The following OTOF variants were observed in gnomAD, a reference collection of about 807,000 sequenced individuals.
The protein encoded by OTOF is fer-1-like family member 2.
In OTOF, 218 loss-of-function variants were observed where a neutral mutation model predicts 236.8. The ratio of observed to expected loss-of-function variants is 0.92; its 90% confidence interval spans 0.82 to 1.03. The LOEUF (loss-of-function observed/expected upper bound fraction) is 1.03, where lower values mean the gene tolerates loss of function less well. OTOF is among the 50% of genes least tolerant of loss of function. OTOF has a pLI of 0.00. For synonymous variants in OTOF, 1,041 were observed against 1,072.5 expected, an observed-to-expected ratio of 0.97 and a Z score of 0.57; for missense variants, 2,590 against 2,694.4, an observed-to-expected ratio of 0.96 and a Z score of 0.86.
intron 46 of OTOF, 101 bp downstream of exon 46, chr2:26,459,907 T>G: frequency 1.3e-5 from 14 of 1,098,594 alleles, no homozygotes; most frequent in Non-Finnish European, 1.6e-5. Context: ...TGTGTGCACA[T>G]GTATGCATAT....
At chr2:26,520,067 A>C (rs796325218) in intron 3 of OTOF, among the ~76,000 whole-genome samples, 3 of 152,238 alleles carry the variant, frequency 2.0e-5, no homozygotes, top group East Asian at 3.8e-4. Context: ...CTTCAACCCC[A>C]TTGCACCCCA....
In OTOF at chr2:26,475,947, G is replaced by A. The variant is rs1002704608; in HGVS notation, c.2958C>T (p.Arg986=). Residue 986 remains arginine (R), a synonymous_variant, in exon 24 of 47, where the codon CGC becomes CGT. Transcript: ENST00000272371. ...DSSGLSDPFA[R]VFFINQSQCT... is the part of the protein sequence containing the mutation. ...ACTGACTCTGATTGATGAAGAAGAC[G>A]CGGGCAAAGGGGTCTGAGAGTCCGC... 22 of 1,611,324 alleles carry A rather than the reference G, an allele frequency of 1.4e-5. No homozygotes were observed. The highest frequency in any genetic ancestry group is 4.0e-5 in the African/African-American group (3 of 74,868).
chr2:26,468,401 G>A lies in OTOF; in HGVS notation c.4090+7C>T. 1 of 1,612,170 alleles carries A rather than the reference G, an allele frequency of 6.2e-7. No homozygotes were observed. The highest frequency in any genetic ancestry group is 2.2e-5 in the East Asian group (1 of 44,878). ...GAGGAGGCAGAGTTCCAGGTTCCAG[G>A]GCTCACCCTCGGTATTGTCCACTTC... On this transcript the variant is annotated splice_region_variant and intron_variant, in intron 33 of 46. Transcript: ENST00000272371.
rs1665794488 is a variant in OTOF at position 26,489,752 on chromosome 2, A to G, written c.898-12T>C. 5.6e-6 allele frequency: 9 copies of G among 1,609,062 alleles called. No homozygotes were observed. Among genetic ancestry groups the G allele is most frequent in the African/African-American group, 1.3e-5 (1 of 74,968 alleles). Reference sequence around the variant, plus strand: ...TCGAAGACGAAGTACTGGAGGGGGAAGGATCCAGGCCTGCTGTCACTGAGG... The same window carrying G: ...TCGAAGACGAAGTACTGGAGGGGGAGGGATCCAGGCCTGCTGTCACTGAGG... On this transcript the variant is annotated splice_polypyrimidine_tract_variant and intron_variant, in intron 9 of 46. Coordinates refer to ENST00000272371, the MANE Select transcript of OTOF (RefSeq NM_194248.3).
At position 26,461,100 on chromosome 2, in the gene OTOF, G is replaced by GA; in HGVS notation, c.5534-71_5534-70insT. ...GGGGCGGGGTGGGGGTGGGGGTCTGGGCTCCTCGGCCCCTTGTTTGCTGAG... is the reference window on the plus strand; with the variant it reads ...GGGGCGGGGTGGGGGTGGGGGTCTGGAGCTCCTCGGCCCCTTGTTTGCTGAG... On this transcript the variant is annotated intron_variant, in intron 43 of 46. Coordinates refer to ENST00000272371, the MANE Select transcript of OTOF (RefSeq NM_194248.3). The surrounding 1 kb of genome is among the most constrained non-coding windows in gnomAD (Gnocchi z 6.2). 8.9e-7 allele frequency: 1 copy of GA among 1,121,956 alleles called. No homozygotes were observed. 69.5% of individuals were successfully genotyped at this position (1,121,956 alleles called of 1,614,324 possible).
At chr2:26,515,113 C>T (rs1054594152) in intron 5 of OTOF, among the ~76,000 whole-genome samples, 1 of 152,260 alleles carries the variant, frequency 6.6e-6, no homozygotes, top group Non-Finnish European at 1.5e-5. Context: ...CCCTCCGGCT[C>T]TCCCAGCAGC....
rs779134729 is a variant in OTOF at position 26,477,136 on chromosome 2, C to G, written c.2523+36G>C. The G allele has an allele frequency of 3.1e-6, 5 of 1,596,492 alleles. No homozygotes were observed. The highest frequency in any genetic ancestry group is 4.3e-6 in the Non-Finnish European group (5 of 1,170,346). On this transcript the variant is annotated intron_variant, in intron 21 of 46. Transcript: ENST00000272371. This position sits in a 1 kb window ranked among gnomAD's most constrained non-coding sequence, Gnocchi z 4.7. The stretch of plus-strand genomic sequence containing the variant: ...CCTGAGGGGCCCCAGAGAGCCAGCC[C>G]TGGATGAGGCAAAGCCCCGACCCCT...
At chr2:26,488,101 T>G (rs977457546) in intron 11 of OTOF, among the ~76,000 whole-genome samples, 3 of 152,244 alleles carry the variant, frequency 2.0e-5, no homozygotes, top group African/African-American at 7.2e-5. Context: ...TCAGATTCCC[T>G]GGTCTAAGTC....
chr2:26,498,034 T>C (rs939934080), intron 8 of OTOF, among the ~76,000 whole-genome samples: 3 of 152,180 alleles, frequency 2.0e-5, no homozygotes, highest in Non-Finnish European at 4.4e-5. Flanking sequence ...ACAGACATAG[T>C]TTTGGCATCT....
intron 25 of OTOF, 66 bp downstream of exon 25, chr2:26,475,293 G>A: frequency 6.4e-7 from 1 of 1,571,396 alleles, no homozygotes; most frequent in Non-Finnish European, 8.7e-7. Flanking sequence ...CAGCGCAGGT[G>A]GAGTGCAGGG....
intron 5 of OTOF, among the ~76,000 whole-genome samples, 190 bp from the exon 6 acceptor site, chr2:26,504,035 G>GT (rs898737166): frequency 2.6e-5 from 4 of 152,186 alleles, no homozygotes; most frequent in African/African-American, 4.8e-5. Flanking sequence ...AATCAGGGCA[G>GT]TGAGAGACCC....
At chr2:26,547,994 T>C (rs957319100) in intron 1 of OTOF, among the ~76,000 whole-genome samples, 1 of 152,234 alleles carries the variant, frequency 6.6e-6, no homozygotes, top group African/African-American at 2.4e-5. Context: ...GATTTTCCAT[T>C]TCTTTTTCTG....
At chr2:26,531,477 G>T (rs4665869) in intron 2 of OTOF, among the ~76,000 whole-genome samples, 84,953 of 151,970 alleles carry the variant, frequency 0.56, 25,353 homozygotes, top group African/African-American at 0.76. Flanking sequence ...GACACAGCAC[G>T]GCAGAATGTG....
intron 2 of OTOF, among the ~76,000 whole-genome samples, chr2:26,534,405 G>A (rs1328285420): frequency 2.0e-5 from 3 of 152,176 alleles, no homozygotes; most frequent in African/African-American, 4.8e-5. Flanking sequence ...TTCCAGAGTT[G>A]TAGGTTAAAT....
intron 3 of OTOF, among the ~76,000 whole-genome samples, chr2:26,523,524 T>C (rs1201152625): frequency 6.6e-6 from 1 of 152,198 alleles, no homozygotes; most frequent in African/African-American, 2.4e-5. Context: ...ATGCCTCTTT[T>C]AGCTCAATTT....
chr2:26,477,655 C>A lies in OTOF; in HGVS notation c.2309G>T (p.Gly770Val). ...GCCGCCCCTCCCTTCTCACCAGCAGCCACAGCTCAGCTCCTCCAGGACGCC... is the reference window on the plus strand; with the variant it reads ...GCCGCCCCTCCCTTCTCACCAGCAGACACAGCTCAGCTCCTCCAGGACGCC... ...LRGVLEELSC[G>V]CCRFLSLADK... Residue 770 changes from glycine to valine, a missense_variant, in exon 19 of 47, where the codon GGC (glycine) becomes GTC (valine). Around this residue, in one of 2 missense-constraint regions of OTOF, gnomAD observed 1,379 missense variants for 1,341.6 expected, o/e 1.03. Transcript: ENST00000272371. The surrounding 1 kb of genome is among the most constrained non-coding windows in gnomAD (Gnocchi z 4.7). 1 of 1,612,448 alleles carries A rather than the reference C, an allele frequency of 6.2e-7. No individual in the cohort carries two copies.
intron 46 of OTOF, 35 bp from the exon 47 acceptor site, chr2:26,458,255 G>A (rs571626864): frequency 6.4e-7 from 1 of 1,552,060 alleles, no homozygotes; most frequent in African/African-American, 1.4e-5. Flanking sequence ...GTCAGCCAGT[G>A]GGCAGGAGCT....
At chr2:26,552,091 T>TAA (rs70950198) in intron 1 of OTOF, among the ~76,000 whole-genome samples, 87,990 of 141,202 alleles carry the variant, frequency 0.62, 30,964 homozygotes, top group East Asian at 0.91. Flanking sequence ...TATAAAAAGT[T>TAA]AAAAAAAAAA....
intron 1 of OTOF, among the ~76,000 whole-genome samples, chr2:26,548,494 C>G (rs1159753877): frequency 6.6e-6 from 1 of 152,180 alleles, no homozygotes; most frequent in Non-Finnish European, 1.5e-5. Flanking sequence ...ATTCTCCCTC[C>G]CCACAGCCCT....
Sources: allele counts gnomAD v4.1 joint callset (sites outside exome capture counted in the v4.1 genomes callset), GRCh38; gene constraint gnomAD v4.1.1; regional missense constraint gnomAD v4.1.1; non-coding constraint Gnocchi (gnomAD v3.1); transcripts MANE v1.5; gene names NCBI Gene and HGNC (gene_info 2026-07-23, HGNC 2026-07-21).